The following ERC2 variants were observed in gnomAD, a reference collection of about 807,000 sequenced individuals.
The protein encoded by ERC2 is ERC protein 2.
ERC2 carries 42 observed loss-of-function variants against 114.8 expected under a neutral mutation model. The observed-to-expected ratio is 0.37, with a 90% CI of 0.29 to 0.47. ERC2 has a LOEUF of 0.47. Among genes scored for constraint, ERC2 ranks in the 20% least tolerant of loss-of-function variants. ERC2 has a pLI of 0.99. For synonymous variants in ERC2, 454 were observed against 425.5 expected (o/e 1.07, Z -0.82); for missense variants, 939 against 1,150.7 (o/e 0.82, Z 2.66).
At position 55,583,444 on chromosome 3, in the gene ERC2, TCCCTCCC is replaced by T. The variant is rs1575656012; in HGVS notation, c.*40-72175_*40-72169del. ...CTTCCTTCCTTCCTTCCTTCCTTCC[TCCCTCCC>T]TCCTTCCCCTCTCTCCCTTCCTCCC... On this transcript the variant is annotated intron_variant, in intron 17 of 17. Coordinates refer to ENST00000288221, the MANE Select transcript of ERC2 (RefSeq NM_015576.3). Among the ~76,000 whole-genome samples the T allele has an allele frequency of 2.8e-4, 29 of 102,278 alleles. 1 individual carries two copies. The highest frequency in any genetic ancestry group is 5.0e-3 in the Middle Eastern group (1 of 202). 67.1% of individuals were successfully genotyped at this position (102,278 alleles called of 152,430 possible). A position where few individuals can be genotyped will look rare whatever the true frequency, so the allele number is the denominator to read the frequency against.
At chr3:56,281,944 G>T (rs1156708308) in intron 3 of ERC2, among the ~76,000 whole-genome samples, 3 of 152,218 alleles carry the variant, frequency 2.0e-5, no homozygotes, top group Non-Finnish European at 4.4e-5. Context: ...TGCAAAGGGT[G>T]CATGAACTTG....
At chr3:55,651,014 ATTTTTTTTTTTTTTT>A (rs71096493) in intron 17 of ERC2, among the ~76,000 whole-genome samples, 4 of 96,316 alleles carry the variant, frequency 4.2e-5, no homozygotes, top group Non-Finnish European at 7.8e-5. Flanking sequence ...CACCCAGCTA[ATTTTTTTTTTTTTTT>A]TTTTTTTTTG....
intron 4 of ERC2, among the ~76,000 whole-genome samples, chr3:56,151,256 G>A (rs897977456): frequency 5.9e-5 from 9 of 151,976 alleles, no homozygotes; most frequent in Non-Finnish European, 1.0e-4. Flanking sequence ...TAGTAGTGAC[G>A]GGGTTTCACC....
chr3:56,120,136 A>AG (rs1553836719), intron 6 of ERC2, among the ~76,000 whole-genome samples: 1 of 151,934 alleles, frequency 6.6e-6, no homozygotes, highest in Non-Finnish European at 1.5e-5. Context: ...ATTGAAAAAA[A>AG]AGAGAGAGAG....
At chr3:56,445,332 A>G (rs1262519965) in intron 1 of ERC2, among the ~76,000 whole-genome samples, 1 of 152,190 alleles carries the variant, frequency 6.6e-6, no homozygotes, top group Admixed American at 6.5e-5. Context: ...TTCTTTTACA[A>G]TTCATTCTTT....
intron 2 of ERC2, among the ~76,000 whole-genome samples, chr3:56,361,714 A>T (rs1343815397): frequency 6.6e-6 from 1 of 152,234 alleles, no homozygotes; most frequent in Non-Finnish European, 1.5e-5. Flanking sequence ...AGAGCAGATG[A>T]TGGCAGCCAA....
At chr3:56,246,335 G>A (rs2051706933) in intron 3 of ERC2, among the ~76,000 whole-genome samples, 1 of 152,100 alleles carries the variant, frequency 6.6e-6, no homozygotes. Flanking sequence ...CCACCCACAA[G>A]CTGCCAGCAG....
chr3:55,918,053 G>A (rs1157710794), intron 13 of ERC2, among the ~76,000 whole-genome samples: 1 of 151,838 alleles, frequency 6.6e-6, no homozygotes, highest in East Asian at 1.9e-4. Context: ...TTTAGCCTGG[G>A]CCTCAGAGTC....
intron 2 of ERC2, among the ~76,000 whole-genome samples, chr3:56,338,938 C>G (rs1298135823): frequency 6.6e-6 from 1 of 152,128 alleles, no homozygotes; most frequent in African/African-American, 2.4e-5. Context: ...GAGAGTTGGA[C>G]AGAGATAAGA....
In ERC2 at chr3:56,006,772, A is replaced by G. The variant is rs1255742526; in HGVS notation, c.2061+409T>C. 3.3e-5 allele frequency among the ~76,000 whole-genome samples: 5 copies of G among 152,072 alleles called. No homozygotes were observed. In the East Asian group the frequency reaches 9.6e-4, roughly 29 times the overall value. Reference sequence around the variant, plus strand: ...AACAATGTCAGAAAAGCTTTTTGCAAAGTTCTGGTACAAAAAAATGACCTA... The same window carrying G: ...AACAATGTCAGAAAAGCTTTTTGCAGAGTTCTGGTACAAAAAAATGACCTA... On this transcript the variant is annotated intron_variant, in intron 10 of 17. Transcript: ENST00000288221.
chr3:55,688,949 G>T (rs950546111), intron 16 of ERC2, among the ~76,000 whole-genome samples: 4 of 152,016 alleles, frequency 2.6e-5, no homozygotes, highest in East Asian at 1.9e-4. Flanking sequence ...CTCTTCTATC[G>T]CACGAGCCAC....
rs78381675 is a variant in ERC2, at chr3:56,113,581, T to C, written c.1473+25928A>G. ...ACTCTTTCTATACTCACAATACTTCTGACACCAAATGTATGGGGTTTTCAC... is the reference window on the plus strand; with the variant it reads ...ACTCTTTCTATACTCACAATACTTCCGACACCAAATGTATGGGGTTTTCAC... On this transcript the variant is annotated intron_variant, in intron 6 of 17. Coordinates refer to ENST00000288221, the MANE Select transcript of ERC2 (RefSeq NM_015576.3). Among the ~76,000 whole-genome samples, 970 of 152,340 alleles carry C rather than the reference T, an allele frequency of 6.4e-3. 19 individuals are homozygous for C. The highest frequency in any genetic ancestry group is 0.022 in the African/African-American group (921 of 41,576).
chr3:55,962,937 C>T (rs1311267541), intron 12 of ERC2, among the ~76,000 whole-genome samples: 2 of 152,202 alleles, frequency 1.3e-5, no homozygotes, highest in South Asian at 4.1e-4. Context: ...TTCTGTAGTT[C>T]AGCCACTTCA....
chr3:55,555,660 A>G (rs375241836), intron 17 of ERC2, among the ~76,000 whole-genome samples: 9 of 152,348 alleles, frequency 5.9e-5, no homozygotes, highest in African/African-American at 2.2e-4. Flanking sequence ...GTTCTTCAAG[A>G]ATCATTGCCA....
chr3:56,188,773 T>G (rs907034562), intron 3 of ERC2, among the ~76,000 whole-genome samples: 3 of 152,204 alleles, frequency 2.0e-5, no homozygotes, highest in African/African-American at 7.2e-5. Context: ...TGGGGGTCAC[T>G]GGGCTGAAGC....
chr3:55,955,916 A>C (rs2067921118), intron 12 of ERC2, among the ~76,000 whole-genome samples: 1 of 152,218 alleles, frequency 6.6e-6, no homozygotes, highest in Non-Finnish European at 1.5e-5. Context: ...GGCCGTGGGC[A>C]AGCTTCTTAA....
At chr3:55,827,023 C>CT (rs761614659) in intron 14 of ERC2, among the ~76,000 whole-genome samples, 3 of 152,178 alleles carry the variant, frequency 2.0e-5, no homozygotes, top group Non-Finnish European at 4.4e-5. Flanking sequence ...CAATGCCCTC[C>CT]TTTACATTAG....
intron 6 of ERC2, among the ~76,000 whole-genome samples, chr3:56,098,734 G>T (rs1184141452): frequency 1.3e-5 from 2 of 152,128 alleles, no homozygotes; most frequent in African/African-American, 2.4e-5. Flanking sequence ...ATCCAGACTT[G>T]GTGAAAAGAT....
intron 12 of ERC2, among the ~76,000 whole-genome samples, chr3:55,953,575 G>A (rs1177739163): frequency 1.3e-5 from 2 of 152,164 alleles, no homozygotes; most frequent in African/African-American, 4.8e-5. Flanking sequence ...GGCACAGGTA[G>A]GAAAGAAGCA....
Sources: gnomAD v4.1 joint callset for allele counts (sites outside exome capture counted in the v4.1 genomes callset) on GRCh38, gnomAD v4.1.1 for gene constraint, MANE v1.5 for transcripts, NCBI Gene and HGNC (gene_info 2026-07-23, HGNC 2026-07-21) for gene names.